The following FARS2 variants were observed in gnomAD, a reference collection of about 807,000 sequenced individuals.
FARS2 encodes the protein phenylalanine--tRNA ligase, mitochondrial.
In FARS2, 40 loss-of-function variants were observed where a neutral mutation model predicts 46.4. The observed-to-expected ratio is 0.86, with a 90% CI of 0.67 to 1.12. The LOEUF (loss-of-function observed/expected upper bound fraction) is 1.12, where lower values mean the gene tolerates loss of function less well. Ranked by LOEUF, FARS2 falls within the 50% of genes most tolerant of loss-of-function variation. The pLI, the probability that FARS2 is intolerant of heterozygous loss-of-function variation, is 0.00. For missense variants in FARS2, 513 were observed against 567.9 expected (o/e 0.90, Z 0.98); for synonymous variants, 234 against 214.9 (o/e 1.09, Z -0.78).
At position 5,431,075 on chromosome 6, in the gene FARS2, T is replaced by G. The variant is rs1192745116; in HGVS notation, c.807T>G (p.Pro269=). ...LEIRWVDCYF[P]FTHPSFEMEI... is the part of the protein sequence containing the mutation. The stretch of plus-strand genomic sequence containing the variant: ...TAAGATGGGTAGACTGCTACTTCCC[T>G]TTTACACATCCTTCCTTTGAGATGG... The change falls in exon 4 of 7, where the codon CCT becomes CCG. Residue 269 remains proline, a synonymous_variant. Coordinates refer to ENST00000274680, the MANE Select transcript of FARS2 (RefSeq NM_006567.5). 1 of 1,613,820 alleles carries G rather than the reference T, an allele frequency of 6.2e-7. No homozygotes were observed. Among genetic ancestry groups the G allele is most frequent in the South Asian group, 1.1e-5 (1 of 91,058 alleles).
intron 6 of FARS2, among the ~76,000 whole-genome samples, chr6:5,719,789 T>C (rs1759769909): frequency 6.6e-6 from 1 of 152,226 alleles, no homozygotes; most frequent in Non-Finnish European, 1.5e-5. Context: ...ATCATTCAGC[T>C]CATCTGAAAG....
chr6:5,328,420 A>G (rs1770552079), intron 1 of FARS2, among the ~76,000 whole-genome samples: 1 of 152,180 alleles, frequency 6.6e-6, no homozygotes, highest in African/African-American at 2.4e-5. Context: ...TTTTAACACT[A>G]AGACCTTGAA....
chr6:5,717,923 T>TAGAGAGAGAG (rs1240643852), intron 6 of FARS2, among the ~76,000 whole-genome samples: 1 of 31,220 alleles, frequency 3.2e-5, no homozygotes, highest in African/African-American at 2.6e-4. Context: ...TATATATATA[T>TAGAGAGAGAG]ATATATATAT....
intron 5 of FARS2, among the ~76,000 whole-genome samples, chr6:5,560,449 CTTGTAGATT>C: frequency 6.6e-6 from 1 of 152,048 alleles, no homozygotes; most frequent in South Asian, 2.1e-4. Flanking sequence ...ATTTTATATA[CTTGTAGATT>C]TTGTTTGTTA....
intron 5 of FARS2, among the ~76,000 whole-genome samples, chr6:5,547,955 A>G (rs1322331748): frequency 7.2e-5 from 11 of 152,258 alleles, no homozygotes; most frequent in Admixed American, 7.2e-4. Flanking sequence ...TGATAAAGAT[A>G]TACCCCAGAC....
upstream of FARS2, among the ~76,000 whole-genome samples, chr6:5,257,648 T>C (rs1353222756): frequency 6.6e-6 from 1 of 152,156 alleles, no homozygotes; most frequent in Non-Finnish European, 1.5e-5. Flanking sequence ...GCGGCGGCAT[T>C]AGATTCTCAT....
intron 2 of FARS2, among the ~76,000 whole-genome samples, chr6:5,392,925 C>CATATGTGTGTGTATATTAT (rs1554175098): frequency 2.2e-5 from 2 of 91,636 alleles, no homozygotes; most frequent in South Asian, 4.1e-4. Context: ...TGTATATATA[C>CATATGTGTGTGTATATTAT]ATATATGTGT....
Position 5,279,397 on chromosome 6 carries a change from A to G in FARS2, c.-22+17737A>G, listed in dbSNP as rs554155595. Among the ~76,000 whole-genome samples the G allele has an allele frequency of 2.0e-5, 3 of 150,786 alleles. No individual in the cohort carries two copies. The South Asian group carries it at 6.3e-4, about 31-fold the overall frequency. ...CTCAAAAAAAAAAAAAGAAAAAGAA[A>G]AAGAAAAAAAGAAAGCAATCTTGAG... is the stretch of plus-strand genomic sequence containing the variant. On this transcript the variant is annotated intron_variant, in intron 1 of 6. Transcript: ENST00000274680.
At chr6:5,408,959 A>G (rs563042338) in intron 3 of FARS2, among the ~76,000 whole-genome samples, 1 of 152,322 alleles carries the variant, frequency 6.6e-6, no homozygotes, top group South Asian at 2.1e-4. Flanking sequence ...TAAGCTGTCC[A>G]AGGTGTTTCA....
intron 1 of FARS2, among the ~76,000 whole-genome samples, chr6:5,295,870 G>C (rs138125485): frequency 6.6e-6 from 1 of 152,218 alleles, no homozygotes; most frequent in Non-Finnish European, 1.5e-5. Flanking sequence ...ATAGCTCCAA[G>C]GGGGAGAATC....
chr6:5,547,273 A>G (rs1399497476), intron 5 of FARS2, among the ~76,000 whole-genome samples: 1 of 151,488 alleles, frequency 6.6e-6, no homozygotes. Context: ...ATTTTAAAGT[A>G]CTTGTCTGTT....
At chr6:5,607,819 T>C (rs1774928821) in intron 5 of FARS2, among the ~76,000 whole-genome samples, 1 of 152,168 alleles carries the variant, frequency 6.6e-6, no homozygotes, top group Non-Finnish European at 1.5e-5. Flanking sequence ...TTATTATCTT[T>C]TTATTAGAAA....
At chr6:5,583,874 C>T (rs903184160) in intron 5 of FARS2, among the ~76,000 whole-genome samples, 7 of 152,154 alleles carry the variant, frequency 4.6e-5, no homozygotes, top group Non-Finnish European at 7.4e-5. Flanking sequence ...GTCTGTTTTG[C>T]AAGGGTCCTT....
chr6:5,383,066 T>C (rs1010059402), intron 2 of FARS2, among the ~76,000 whole-genome samples: 5 of 152,226 alleles, frequency 3.3e-5, no homozygotes, highest in African/African-American at 1.2e-4. Flanking sequence ...ACACATCCAG[T>C]AATGATGTTT....
At chr6:5,598,057 C>T (rs1774302057) in intron 5 of FARS2, among the ~76,000 whole-genome samples, 2 of 152,092 alleles carry the variant, frequency 1.3e-5, no homozygotes, top group Non-Finnish European at 1.5e-5. Flanking sequence ...CCACCCCTTT[C>T]CTTGCCCAGA....
chr6:5,442,207 T>G (rs1763881102), intron 4 of FARS2, among the ~76,000 whole-genome samples: 1 of 152,212 alleles, frequency 6.6e-6, no homozygotes, highest in Non-Finnish European at 1.5e-5. Context: ...ATATATTTAT[T>G]TAACATTTAT....
intron 1 of FARS2, among the ~76,000 whole-genome samples, chr6:5,329,906 A>T (rs1770674748): frequency 6.6e-6 from 1 of 152,180 alleles, no homozygotes; most frequent in African/African-American, 2.4e-5. Context: ...CATCGACATG[A>T]TAGATTACAT....
At chr6:5,595,111 A>G (rs994441257) in intron 5 of FARS2, among the ~76,000 whole-genome samples, 1 of 152,112 alleles carries the variant, frequency 6.6e-6, no homozygotes, top group Non-Finnish European at 1.5e-5. Context: ...TTACTGCTTT[A>G]TTAGCCCAAG....
At chr6:5,361,435 A>G (rs1156543337) in intron 1 of FARS2, among the ~76,000 whole-genome samples, 1 of 152,172 alleles carries the variant, frequency 6.6e-6, no homozygotes, top group Non-Finnish European at 1.5e-5. Flanking sequence ...CAGAAGGGTA[A>G]TTACCCTGTC....
Sources: gnomAD v4.1 joint callset for allele counts (sites outside exome capture counted in the v4.1 genomes callset) on GRCh38, gnomAD v4.1.1 for gene constraint, MANE v1.5 for transcripts, NCBI Gene and HGNC (gene_info 2026-07-23, HGNC 2026-07-21) for gene names.